BRD10: variants seen among roughly 807,000 people sequenced by gnomAD.
The protein encoded by BRD10 is bromodomain containing 10, also known as uncharacterized bromodomain-containing protein 10.
chr9:6,000,690 A>G, the BRD10 span, among the ~76,000 whole-genome samples: 1 of 152,322 alleles, frequency 6.6e-6, no homozygotes, highest in Middle Eastern at 3.4e-3. Flanking sequence ...AGTTCAGCAT[A>G]TTTCAAATAA....
the BRD10 span, among the ~76,000 whole-genome samples, chr9:5,887,228 C>T: frequency 6.6e-6 from 1 of 152,194 alleles, no homozygotes; most frequent in Non-Finnish European, 1.5e-5. Flanking sequence ...CACTGCATTC[C>T]TGCCTGGGCA....
the BRD10 span, chr9:5,923,197 C>T: frequency 6.2e-7 from 1 of 1,613,870 alleles, no homozygotes; most frequent in Non-Finnish European, 8.5e-7. Context: ...TTTGTTTGGA[C>T]TGTCGTTTAA....
chr9:5,914,670 G>A, the BRD10 span, among the ~76,000 whole-genome samples: 34 of 151,884 alleles, frequency 2.2e-4, no homozygotes, highest in African/African-American at 7.5e-4. Context: ...TGATCTGCCC[G>A]CCTCGGCCTC....
chr9:5,975,762 TA>T, the BRD10 span, among the ~76,000 whole-genome samples: 1 of 152,264 alleles, frequency 6.6e-6, no homozygotes, highest in East Asian at 1.9e-4. Flanking sequence ...AAAGAAGTTC[TA>T]AAATGTGAGA....
the BRD10 span, chr9:5,920,364 T>C: frequency 6.2e-7 from 1 of 1,613,866 alleles, no homozygotes; most frequent in Non-Finnish European, 8.5e-7. Flanking sequence ...CTGGTATTGA[T>C]GACTATTTTT....
chr9:5,933,881 C>T, the BRD10 span: 2 of 464,068 alleles, frequency 4.3e-6, no homozygotes, highest in South Asian at 1.6e-5. Flanking sequence ...ACATTGGATA[C>T]CTAAAAAGGA....
the BRD10 span, among the ~76,000 whole-genome samples, chr9:5,893,621 T>C: frequency 1.3e-5 from 2 of 152,176 alleles, no homozygotes; most frequent in Admixed American, 6.5e-5. Context: ...GGGGAGCCCA[T>C]TGCCCGTGCT....
chr9:5,898,921 T>C, the BRD10 span: 1 of 152,232 alleles, frequency 6.6e-6, no homozygotes, highest in African/African-American at 2.4e-5. Context: ...AAGGTTTTAA[T>C]AGTATTTTTT....
the BRD10 span, among the ~76,000 whole-genome samples, chr9:5,932,783 A>G: frequency 3.9e-5 from 6 of 152,294 alleles, no homozygotes; most frequent in East Asian, 1.2e-3. Context: ...ACAATGCTGT[A>G]TTTCTTGGAC....
chr9:5,910,398 C>G, the BRD10 span: 76 of 152,234 alleles, frequency 5.0e-4, no homozygotes, highest in African/African-American at 1.7e-3. Context: ...AAATATTTCC[C>G]CACTCTTCTG....
the BRD10 span, among the ~76,000 whole-genome samples, chr9:5,937,177 C>T: frequency 2.0e-5 from 3 of 149,068 alleles, no homozygotes; most frequent in African/African-American, 5.0e-5. Flanking sequence ...TGCAGTGAGC[C>T]GAGATCATGC....
chr9:5,924,068 T>C, the BRD10 span, among the ~76,000 whole-genome samples: 1 of 152,166 alleles, frequency 6.6e-6, no homozygotes, highest in African/African-American at 2.4e-5. Flanking sequence ...CCTGAAAAAA[T>C]AATCTTCACA....
chr9:5,891,099 C>T, the BRD10 span: 1 of 152,166 alleles, frequency 6.6e-6, no homozygotes, highest in Non-Finnish European at 1.5e-5. Context: ...AGAGGGCTCA[C>T]AAAGCCTCCT....
the BRD10 span, among the ~76,000 whole-genome samples, chr9:5,928,082 T>C: frequency 6.6e-6 from 1 of 152,156 alleles, no homozygotes; most frequent in Admixed American, 6.5e-5. Context: ...GTTTCCCCTA[T>C]CTCAGTTAAT....
the BRD10 span, chr9:5,967,956 A>C: frequency 9.6e-7 from 1 of 1,036,584 alleles, no homozygotes; most frequent in Non-Finnish European, 1.4e-6. Flanking sequence ...TCCATGATGC[A>C]TAATGGAAAA....
At chr9:5,998,165 C>T in the BRD10 span, among the ~76,000 whole-genome samples, 1 of 152,034 alleles carries the variant, frequency 6.6e-6, no homozygotes, top group Non-Finnish European at 1.5e-5. Context: ...GGCTACTGGA[C>T]ACTCAATTGG....
At chr9:5,988,194 A>G in the BRD10 span, 1 of 617,218 alleles carries the variant, frequency 1.6e-6, no homozygotes, top group South Asian at 2.1e-5. Context: ...TTAAAATTAC[A>G]TTTTAAACAA....
At chr9:5,890,351 T>C in the BRD10 span, among the ~76,000 whole-genome samples, 3 of 152,214 alleles carry the variant, frequency 2.0e-5, no homozygotes, top group East Asian at 1.9e-4. Flanking sequence ...CCTAAAAATA[T>C]TGTATGGGAC....
At chr9:5,996,363 G>A in the BRD10 span, among the ~76,000 whole-genome samples, 1 of 152,024 alleles carries the variant, frequency 6.6e-6, no homozygotes, top group Non-Finnish European at 1.5e-5. Context: ...CTGTCACCCA[G>A]GCTGGAGTGC....
Sources: gnomAD v4.1 joint callset for allele counts (sites outside exome capture counted in the v4.1 genomes callset) on GRCh38, gnomAD v4.1.1 for gene constraint, MANE v1.5 for transcripts, NCBI Gene and HGNC (gene_info 2026-07-23, HGNC 2026-07-21) for gene names.